The following ZNF83 variants were observed in gnomAD, a reference collection of about 807,000 sequenced individuals.
ZNF83 encodes the protein zinc finger protein 816B.
For synonymous variants in ZNF83, 209 were observed against 213.0 expected (o/e 0.98, Z 0.17); for missense variants, 552 against 629.9 (o/e 0.88, Z 1.32).
intron 2 of ZNF83, chr19:52,616,591 C>G (rs943713239): frequency 6.6e-6 from 1 of 152,212 alleles, no homozygotes; most frequent in Non-Finnish European, 1.5e-5. Flanking sequence ...CACCTGTAAT[C>G]CCAGCACTTT....
intron 2 of ZNF83, among the ~76,000 whole-genome samples, chr19:52,659,916 T>C (rs1023323952): frequency 2.0e-5 from 3 of 152,084 alleles, no homozygotes; most frequent in Non-Finnish European, 2.9e-5. Context: ...CTCGGCTGGG[T>C]GGGCGGTAAC....
rs545579167 is a variant in ZNF83 at position 52,665,888 on chromosome 19, C to T, written c.-282-5045G>A. On this transcript the variant is annotated intron_variant, in intron 1 of 5. Transcript: ENST00000594682. ...AGAAGTAAATTGCCTTGGCCATGTG[C>T]GGTGGCTCACACCTGTAATCCCCCC... Among the ~76,000 whole-genome samples the T allele has an allele frequency of 4.7e-4, 72 of 152,070 alleles. 1 individual carries two copies. In the South Asian group the frequency reaches 7.3e-3, roughly 15 times the overall value.
At chr19:52,676,132 C>T (rs373450852) in intron 1 of ZNF83, among the ~76,000 whole-genome samples, 4 of 152,186 alleles carry the variant, frequency 2.6e-5, no homozygotes, top group Non-Finnish European at 4.4e-5. Flanking sequence ...AGGCGCGCGC[C>T]GCCACGCCTG....
At chr19:52,683,033 G>C (rs921783415) in intron 1 of ZNF83, among the ~76,000 whole-genome samples, 3 of 151,606 alleles carry the variant, frequency 2.0e-5, no homozygotes, top group Admixed American at 6.6e-5. Context: ...ACCACACCCA[G>C]CTAATTTTTG....
At chr19:52,666,086 C>T (rs2061646927) in intron 1 of ZNF83, among the ~76,000 whole-genome samples, 1 of 150,828 alleles carries the variant, frequency 6.6e-6, no homozygotes, top group African/African-American at 2.4e-5. Flanking sequence ...ATGGTGTGAA[C>T]CCGGGAGGCG....
chr19:52,617,764 C>G (rs888211023), intron 2 of ZNF83: 1 of 150,062 alleles, frequency 6.7e-6, no homozygotes, highest in African/African-American at 2.5e-5. Flanking sequence ...AAATTCCCAC[C>G]CATCTTATTT....
chr19:52,677,175 AAAAAACAAAAAC>A (rs995944947), intron 1 of ZNF83, among the ~76,000 whole-genome samples: 1 of 151,854 alleles, frequency 6.6e-6, no homozygotes, highest in Non-Finnish European at 1.5e-5. Context: ...GATACAATCA[AAAAAACAAAAAC>A]AAAAACAAAA....
chr19:52,679,916 C>T (rs927177924), intron 1 of ZNF83, among the ~76,000 whole-genome samples: 1 of 152,166 alleles, frequency 6.6e-6, no homozygotes, highest in African/African-American at 2.4e-5. Context: ...CACAGTGGCT[C>T]ACACCTGTAA....
intron 2 of ZNF83, among the ~76,000 whole-genome samples, chr19:52,622,202 A>G (rs546587162): frequency 1.3e-5 from 2 of 152,148 alleles, no homozygotes; most frequent in South Asian, 2.1e-4. Flanking sequence ...CTGCCCAACA[A>G]TTTCCTCTTT....
chr19:52,636,477 TA>T lies in ZNF83; in HGVS notation c.-321-1325del, dbSNP rs1167975217. 3.9e-5 allele frequency: 6 copies of T among 152,318 alleles called. No individual in the cohort carries two copies. In the South Asian group the frequency reaches 6.2e-4, roughly 16 times the overall value. 9.4% of individuals were successfully genotyped at this position (152,318 alleles called of 1,614,324 possible). On this transcript the variant is annotated intron_variant, in intron 1 of 2. Transcript: ENST00000301096. Reference sequence around the variant, plus strand: ...CTGAATAGGGATTCCAAGTGGAAGCTAACCTCTGAGGCCAACATTCATAGAA... The same window carrying T: ...CTGAATAGGGATTCCAAGTGGAAGCTACCTCTGAGGCCAACATTCATAGAA...
intron 1 of ZNF83, among the ~76,000 whole-genome samples, chr19:52,680,738 G>A (rs373268231): frequency 2.8e-4 from 39 of 137,696 alleles, no homozygotes; most frequent in Non-Finnish European, 4.1e-4. Context: ...TCAGCCTCCC[G>A]AGTAACTGGG....
chr19:52,645,667 C>T (rs553945446), intron 3 of ZNF83, among the ~76,000 whole-genome samples: 6 of 151,798 alleles, frequency 4.0e-5, no homozygotes, highest in African/African-American at 1.4e-4. Context: ...ATTAGCTGGG[C>T]GTGCTGACAT....
At chr19:52,669,158 G>C (rs2061691470) in intron 1 of ZNF83, among the ~76,000 whole-genome samples, 1 of 152,180 alleles carries the variant, frequency 6.6e-6, no homozygotes, top group Non-Finnish European at 1.5e-5. Flanking sequence ...TGGCACTTAT[G>C]CTTTAGTCCA....
At chr19:52,616,027 G>C (rs952078456) in intron 2 of ZNF83, among the ~76,000 whole-genome samples, 2 of 152,082 alleles carry the variant, frequency 1.3e-5, no homozygotes, top group Non-Finnish European at 2.9e-5. Context: ...TAATAGAGAC[G>C]GGGCTTCACC....
chr19:52,633,174 C>G (rs1177710899), intron 2 of ZNF83, among the ~76,000 whole-genome samples: 1 of 152,098 alleles, frequency 6.6e-6, no homozygotes, highest in Non-Finnish European at 1.5e-5. Flanking sequence ...CTCATCCTGG[C>G]TCAAAAGCTC....
intron 2 of ZNF83, among the ~76,000 whole-genome samples, chr19:52,627,996 G>C (rs932269117): frequency 3.9e-5 from 6 of 151,958 alleles, no homozygotes; most frequent in Non-Finnish European, 8.8e-5. Context: ...CACTGAGTAC[G>C]TTGTGACACC....
intron 3 of ZNF83, chr19:52,651,988 A>T (rs762545948): frequency 1.0e-5 from 2 of 192,878 alleles, no homozygotes; most frequent in Non-Finnish European, 2.3e-5. Context: ...GTCATTTTCT[A>T]TAGTCATTGT....
chr19:52,631,915 A>G (rs1343876133), intron 2 of ZNF83, among the ~76,000 whole-genome samples: 4 of 140,360 alleles, frequency 2.8e-5, no homozygotes, highest in Non-Finnish European at 6.1e-5. Flanking sequence ...CTATTCTACT[A>G]CTCCTCAGGG....
chr19:52,635,090 CT>C lies in ZNF83; in HGVS notation c.-259del, dbSNP rs746348470. 3.6e-5 allele frequency: 26 copies of C among 713,592 alleles called. No homozygotes were observed. Among genetic ancestry groups the C allele is most frequent in the Non-Finnish European group, 5.6e-5 (22 of 393,234 alleles). The allele number at this position is 713,592 out of a possible 1,614,324, so 44.2% of individuals were successfully genotyped here. On this transcript the variant is annotated 5_prime_UTR_variant, in exon 2 of 3. An upstream open reading frame in the 5' UTR loses its in-frame stop. Transcript: ENST00000301096. Reference sequence around the variant, plus strand: ...CCTGAGGAAGAACCATTCCTGACGCCTTTGCTTTCCTCTTCCCCTTCCGGGT... The same window carrying C: ...CCTGAGGAAGAACCATTCCTGACGCCTTGCTTTCCTCTTCCCCTTCCGGGT...
Sources: allele counts gnomAD v4.1 joint callset (sites outside exome capture counted in the v4.1 genomes callset), GRCh38; gene constraint gnomAD v4.1.1; transcripts MANE v1.5; gene names NCBI Gene and HGNC (gene_info 2026-07-23, HGNC 2026-07-21).